Variants in FGD5 observed in about 807,000 individuals in gnomAD.
FGD5 encodes FYVE, RhoGEF and PH domain containing 5.
A neutral mutation model predicts 133.4 loss-of-function variants in FGD5; 28 were observed. The observed-to-expected ratio is 0.21, with a 90% confidence interval of 0.16 to 0.29. The LOEUF (loss-of-function observed/expected upper bound fraction) is 0.29. Among genes scored for constraint, FGD5 ranks in the 10% least tolerant of loss-of-function variants. FGD5 has a pLI of 1.00. For missense variants in FGD5, 1,858 were observed against 1,895.2 expected, an observed-to-expected ratio of 0.98 and a Z score of 0.36; for synonymous variants, 810 against 776.5, an observed-to-expected ratio of 1.04 and a Z score of -0.72.
At chr3:14,814,053 C>G (rs943024561), upstream of FGD5, among the ~76,000 whole-genome samples, 2 of 152,160 alleles carry the variant, frequency 1.3e-5, no homozygotes, top group Non-Finnish European at 2.9e-5. Context: ...TTTGAGTCAT[C>G]CTCGGGCATA....
chr3:14,871,985 G>T (rs1039278478), intron 2 of FGD5, among the ~76,000 whole-genome samples: 2 of 152,212 alleles, frequency 1.3e-5, no homozygotes, highest in Non-Finnish European at 2.9e-5. Flanking sequence ...CAGTATCCCA[G>T]GTCCCACCCC....
Position 14,889,446 on chromosome 3 carries a change from T to C in FGD5, c.2749-8063T>C, listed in dbSNP as rs138423398. On this transcript the variant is annotated intron_variant, in intron 4 of 19. Coordinates refer to ENST00000285046, the MANE Select transcript of FGD5 (RefSeq NM_152536.4). ...AGTGTTCTTTGGTAGGGATAGCCTA[T>C]AGTCGGGTTGTCTGTGCTCCTGTGC... 9.2e-5 allele frequency among the ~76,000 whole-genome samples: 14 copies of C among 152,310 alleles called. No homozygotes were observed. The East Asian group carries it at 2.7e-3, about 29-fold the overall frequency.
chr3:14,819,136 G>A lies in FGD5; in HGVS notation c.65G>A (p.Arg22Lys). 1.9e-6 allele frequency: 3 copies of A among 1,551,222 alleles called. No homozygotes were observed. In the South Asian group the frequency reaches 3.6e-5, roughly 18 times the overall value. ...KPRLTAPNEW[R>K]ASVYLNDSLN... The stretch of plus-strand genomic sequence containing the variant: ...AGGCTGACTGCCCCAAACGAGTGGA[G>A]AGCCAGTGTGTACCTGAATGACAGC... The change falls in exon 1 of 20, where the codon AGA becomes AAA. Residue 22 changes from arginine to lysine, a missense_variant. Arg to Lys is a conservative substitution (Grantham distance 26, BLOSUM62 2). Around this residue, in one of 3 missense-constraint regions of FGD5, gnomAD observed 29 missense variants for 27.6 expected, o/e 1.05. Coordinates refer to ENST00000285046, the MANE Select transcript of FGD5 (RefSeq NM_152536.4). The surrounding 1 kb of genome is among the most constrained non-coding windows in gnomAD (Gnocchi z 4.1).
At chr3:14,813,012 A>G (rs1426809430) in intron 1 of FGD5, among the ~76,000 whole-genome samples, 1 of 152,142 alleles carries the variant, frequency 6.6e-6, no homozygotes, top group Non-Finnish European at 1.5e-5. Flanking sequence ...CGGAGATTTT[A>G]TGGTCACTGG....
At chr3:14,932,752 T>G in intron 19 of FGD5, 21 bp downstream of exon 19, 1 of 1,604,424 alleles carries the variant, frequency 6.2e-7, no homozygotes, top group Non-Finnish European at 8.5e-7. Context: ...AACTAATTAG[T>G]CTTATAGCTT....
chr3:14,858,576 C>T (rs547732191), intron 1 of FGD5, among the ~76,000 whole-genome samples: 1 of 152,258 alleles, frequency 6.6e-6, no homozygotes, highest in South Asian at 2.1e-4. Context: ...CCCTCAGTAC[C>T]TGTAGTACAG....
chr3:14,861,797 C>T (rs1020911560), intron 1 of FGD5, among the ~76,000 whole-genome samples: 4 of 152,172 alleles, frequency 2.6e-5, no homozygotes, highest in South Asian at 2.1e-4. Context: ...CCCCAGGTCC[C>T]GCAGGCTTGC....
At chr3:14,880,696 C>T (rs1431824880) in intron 3 of FGD5, 46 bp from the exon 4 acceptor site, 3 of 1,614,020 alleles carry the variant, frequency 1.9e-6, no homozygotes, top group Middle Eastern at 1.7e-4. Context: ...CCTGGGCTTA[C>T]ACAGGATGGG....
chr3:14,896,345 A>ATTTT (rs2038138399), intron 4 of FGD5, among the ~76,000 whole-genome samples: 1 of 152,250 alleles, frequency 6.6e-6, no homozygotes, highest in South Asian at 2.1e-4. Context: ...CCGAACAAAA[A>ATTTT]GAACAAAGCT....
chr3:14,825,411 C>T (rs182573307), intron 1 of FGD5, among the ~76,000 whole-genome samples: 248 of 152,092 alleles, frequency 1.6e-3, no homozygotes, highest in African/African-American at 5.7e-3. Flanking sequence ...TTGAGACCAG[C>T]CTAGACAACA....
intron 11 of FGD5, among the ~76,000 whole-genome samples, chr3:14,912,281 A>G (rs997763307): frequency 6.6e-6 from 1 of 152,142 alleles, no homozygotes; most frequent in African/African-American, 2.4e-5. Flanking sequence ...CAGGCTCTGC[A>G]TGAGGCACTA....
At position 14,889,120 on chromosome 3, in the gene FGD5, G is replaced by A. The variant is rs555099049; in HGVS notation, c.2748+8348G>A. On this transcript the variant is annotated intron_variant, in intron 4 of 19. Transcript: ENST00000285046. ...CCAAGGAGTTTAACTTGGTGCTGAG[G>A]GCAGGCAGGGCCACGAAGAGTTTGG... Among the ~76,000 whole-genome samples the A allele has an allele frequency of 4.7e-4, 72 of 152,298 alleles. 2 individuals are homozygous for A. Among genetic ancestry groups the A allele is most frequent in the Admixed American group, 4.6e-3 (71 of 15,296 alleles).
intron 4 of FGD5, among the ~76,000 whole-genome samples, chr3:14,895,490 C>T (rs2038118787): frequency 6.6e-6 from 1 of 152,168 alleles, no homozygotes; most frequent in Non-Finnish European, 1.5e-5. Flanking sequence ...ATTCTTGGAA[C>T]CTTTGTCAAA....
At chr3:14,826,157 A>ACTTGTTGAG (rs200167965) in intron 1 of FGD5, among the ~76,000 whole-genome samples, 1,639 of 152,274 alleles carry the variant, frequency 0.011, 33 homozygotes, top group African/African-American at 0.037. Flanking sequence ...AAATGTTCAA[A>ACTTGTTGAG]AAGTTAAGAG....
At chr3:14,818,170 AT>A (rs1266496399), upstream of FGD5, among the ~76,000 whole-genome samples, 1 of 152,186 alleles carries the variant, frequency 6.6e-6, no homozygotes, top group Non-Finnish European at 1.5e-5. Flanking sequence ...ACAGATATCC[AT>A]GTGGCAAGTA....
rs191844229 is a variant in FGD5 at position 14,922,974 on chromosome 3, G to A, written c.3808-72G>A. ...AGTTGTGGGTGGATTAGCAGAGGGA[G>A]CGGAGGGGAGGGGTGCAGGTCTCCT... On this transcript the variant is annotated intron_variant, in intron 15 of 19. Transcript: ENST00000285046. This position sits in a 1 kb window ranked among gnomAD's most constrained non-coding sequence, Gnocchi z 4.1. 150 of 1,602,128 alleles carry A rather than the reference G, an allele frequency of 9.4e-5. No homozygotes were observed. In the African/African-American group the frequency reaches 1.8e-3, roughly 19 times the overall value.
At chr3:14,833,639 A>G (rs2036760408) in intron 1 of FGD5, among the ~76,000 whole-genome samples, 1 of 152,150 alleles carries the variant, frequency 6.6e-6, no homozygotes, top group Non-Finnish European at 1.5e-5. Context: ...GGTCCGCTAT[A>G]GATACTGCCT....
At chr3:14,889,947 G>T (rs1410526446) in intron 4 of FGD5, among the ~76,000 whole-genome samples, 1 of 151,746 alleles carries the variant, frequency 6.6e-6, no homozygotes, top group Non-Finnish European at 1.5e-5. Flanking sequence ...TCACATCTGG[G>T]GATTACGCAT....
Position 14,922,175 on chromosome 3 carries a change from GGGCGGCCTCCGT to G in FGD5, c.3669+160_3669+171del. On this transcript the variant is annotated intron_variant, in intron 14 of 19. Coordinates refer to ENST00000285046, the MANE Select transcript of FGD5 (RefSeq NM_152536.4). This position sits in a 1 kb window ranked among gnomAD's most constrained non-coding sequence, Gnocchi z 4.1. ...CCTGCCATGCTCCCACCCTAGTCAG[GGGCGGCCTCCGT>G]GTAACCTAGGAGCCCAGCACCCACA... The G allele has an allele frequency of 1.0e-6, 1 of 990,198 alleles. No homozygotes were observed. Among genetic ancestry groups the G allele is most frequent in the Non-Finnish European group, 1.5e-6 (1 of 670,494 alleles). 61.3% of individuals were successfully genotyped at this position (990,198 alleles called of 1,614,324 possible).
Sources: gnomAD v4.1 joint callset for allele counts (sites outside exome capture counted in the v4.1 genomes callset) on GRCh38, gnomAD v4.1.1 for gene constraint, gnomAD v4.1.1 regional missense constraint, Gnocchi (gnomAD v3.1) non-coding constraint, MANE v1.5 for transcripts, NCBI Gene and HGNC (gene_info 2026-07-23, HGNC 2026-07-21) for gene names.